The following DENND11 variants were observed in gnomAD, a reference collection of about 807,000 sequenced individuals.
DENND11 encodes the protein DENN domain containing 11.
Under a neutral mutation model 49.2 loss-of-function variants are expected in DENND11, and 34 were observed. The observed-to-expected ratio is 0.69, with a 90% confidence interval of 0.53 to 0.92. The LOEUF is 0.92. DENND11 is among the 40% of genes least tolerant of loss of function. The probability of loss-of-function intolerance (pLI) is 0.00; values close to 1 mark genes in which losing one functional copy is unlikely to be tolerated. For synonymous variants in DENND11, 238 were observed against 230.3 expected, an observed-to-expected ratio of 1.03 and a Z score of -0.30; for missense variants, 475 against 581.6, an observed-to-expected ratio of 0.82 and a Z score of 1.88.
intron 1 of DENND11, among the ~76,000 whole-genome samples, chr7:141,695,122 T>G (rs1798393255): frequency 6.6e-6 from 1 of 152,212 alleles, no homozygotes. Context: ...TGACAAAGTT[T>G]TTCTCATAAG....
At chr7:141,696,147 G>A (rs1798410001) in intron 1 of DENND11, among the ~76,000 whole-genome samples, 2 of 152,194 alleles carry the variant, frequency 1.3e-5, no homozygotes, top group Admixed American at 1.3e-4. Flanking sequence ...CCACTTCACA[G>A]CTCCAAAGGT....
At chr7:141,679,693 CAA>C (rs1458053511) in intron 3 of DENND11, among the ~76,000 whole-genome samples, 1 of 134,094 alleles carries the variant, frequency 7.5e-6, no homozygotes, top group African/African-American at 2.8e-5. Flanking sequence ...GCCTGGGACA[CAA>C]GAGCGAAACT....
chr7:141,678,346 A>G (rs576836621), intron 3 of DENND11, among the ~76,000 whole-genome samples: 1 of 152,376 alleles, frequency 6.6e-6, no homozygotes, highest in East Asian at 1.9e-4. Flanking sequence ...CTAGAATGGT[A>G]TAAAACGAAA....
rs116429918 is a variant in DENND11, at chr7:141,674,724, T to C, written c.528-504A>G. 8.2e-3 allele frequency among the ~76,000 whole-genome samples: 1,244 copies of C among 152,266 alleles called. 16 individuals are homozygous for C. Among genetic ancestry groups the C allele is most frequent in the African/African-American group, 0.027 (1,118 of 41,562 alleles). On this transcript the variant is annotated intron_variant, in intron 3 of 8. Coordinates refer to ENST00000536163, the MANE Select transcript of DENND11 (RefSeq NM_001080392.2). ...CTCAAATAAGGGAAAACAATTATTA[T>C]TGGATGTCATCAGGGCTCATAATTT... is the stretch of plus-strand genomic sequence containing the variant.
chr7:141,695,386 T>C (rs1798396911), intron 1 of DENND11, among the ~76,000 whole-genome samples: 1 of 150,560 alleles, frequency 6.6e-6, no homozygotes, highest in South Asian at 2.2e-4. Flanking sequence ...ATAAAGGACT[T>C]TGCAAAAGCC....
At chr7:141,671,838 C>G (rs924519390) in intron 4 of DENND11, among the ~76,000 whole-genome samples, 1 of 152,070 alleles carries the variant, frequency 6.6e-6, no homozygotes, top group Non-Finnish European at 1.5e-5. Flanking sequence ...TAATGGCCCT[C>G]TAACGATTTC....
rs553825079 is a variant in DENND11, at chr7:141,692,510, AG to A, written c.269-5853del. 9.1e-4 allele frequency among the ~76,000 whole-genome samples: 139 copies of A among 152,300 alleles called. 2 individuals carry two copies. The South Asian group carries it at 0.027, about 30-fold the overall frequency. ...CACATAATCTTTGCCAAAGGAACAA[AG>A]GCAATATAATGGAGAAAAGACAGTC... On this transcript the variant is annotated intron_variant, in intron 1 of 8. Coordinates refer to ENST00000536163, the MANE Select transcript of DENND11 (RefSeq NM_001080392.2).
intron 4 of DENND11, among the ~76,000 whole-genome samples, chr7:141,673,253 A>C (rs796611283): frequency 7.9e-5 from 12 of 152,322 alleles, no homozygotes; most frequent in African/African-American, 2.6e-4. Context: ...TAAAAAAAAA[A>C]AAACAAAAAA....
At chr7:141,698,956 G>A (rs995653320) in intron 1 of DENND11, among the ~76,000 whole-genome samples, 2 of 151,894 alleles carry the variant, frequency 1.3e-5, no homozygotes, top group Non-Finnish European at 1.5e-5. Flanking sequence ...GAGGGTTGAG[G>A]TGGGTGTGGG....
intron 3 of DENND11, among the ~76,000 whole-genome samples, chr7:141,677,400 A>ATAT (rs1273089565): frequency 1.3e-5 from 1 of 75,170 alleles, no homozygotes; most frequent in Admixed American, 1.8e-4. Flanking sequence ...CAAAAAAAAA[A>ATAT]AAATATATAT....
chr7:141,670,000 C>T (rs1418299145), intron 4 of DENND11, among the ~76,000 whole-genome samples: 14 of 150,886 alleles, frequency 9.3e-5, no homozygotes, highest in South Asian at 2.1e-4. Context: ...TTAGTAGAGA[C>T]GGGGTTTCAC....
intron 4 of DENND11, among the ~76,000 whole-genome samples, chr7:141,673,650 G>T (rs1798018405): frequency 2.6e-5 from 4 of 152,174 alleles, no homozygotes; most frequent in Non-Finnish European, 1.5e-5. Context: ...CTGTAAATAG[G>T]CATATTCTAG....
chr7:141,688,709 T>G (rs1352884031), intron 1 of DENND11, among the ~76,000 whole-genome samples: 1 of 152,138 alleles, frequency 6.6e-6, no homozygotes, highest in Non-Finnish European at 1.5e-5. Flanking sequence ...AGTCCAGTCG[T>G]TTTTTTCCTG....
At chr7:141,687,836 A>G (rs1049266587) in intron 1 of DENND11, among the ~76,000 whole-genome samples, 8 of 151,900 alleles carry the variant, frequency 5.3e-5, no homozygotes, top group East Asian at 3.9e-4. Flanking sequence ...GGGTTTCACC[A>G]TGTTAGCCAG....
intron 3 of DENND11, among the ~76,000 whole-genome samples, chr7:141,682,709 G>C (rs1007365241): frequency 2.0e-5 from 3 of 152,076 alleles, no homozygotes; most frequent in Non-Finnish European, 4.4e-5. Flanking sequence ...CTACCTCTAC[G>C]CTATGACATG....
rs1353485680 is a variant in DENND11 at position 141,662,826 on chromosome 7, T to C, written c.1198A>G (p.Ile400Val). The change falls in exon 9 of 9, where the codon ATA (isoleucine) becomes GTA (valine). Residue 400 changes from isoleucine to valine, a missense_variant. Coordinates refer to ENST00000536163, the MANE Select transcript of DENND11 (RefSeq NM_001080392.2). ...GACACCTCCAACAAAGTCTGAAATA[T>C]CCGGTTGTTTTGTTCTAGGAAAAAC... ...VLFFLEQNNR[I>V]FQTLLEVSAS... 5 of 1,572,100 alleles carry C rather than the reference T, an allele frequency of 3.2e-6. No homozygotes were observed. Among genetic ancestry groups the C allele is most frequent in the African/African-American group, 2.7e-5 (2 of 73,814 alleles).
At chr7:141,665,085 C>G in intron 6 of DENND11, 31 bp from the exon 7 acceptor site, 3 of 1,610,480 alleles carry the variant, frequency 1.9e-6, no homozygotes, top group Non-Finnish European at 2.5e-6. Flanking sequence ...GAGGTGGGAA[C>G]CCACCCGACC....
At chr7:141,693,154 A>C (rs1398104566) in intron 1 of DENND11, among the ~76,000 whole-genome samples, 1 of 152,262 alleles carries the variant, frequency 6.6e-6, no homozygotes, top group African/African-American at 2.4e-5. Flanking sequence ...AGAATTCATA[A>C]AACTCAACAA....
intron 4 of DENND11, among the ~76,000 whole-genome samples, chr7:141,671,028 A>G (rs1484615348): frequency 2.0e-5 from 3 of 152,194 alleles, no homozygotes; most frequent in Admixed American, 2.0e-4. Context: ...TGATCCTTCC[A>G]TGTCACCTTC....
Sources: allele counts gnomAD v4.1 joint callset (sites outside exome capture counted in the v4.1 genomes callset), GRCh38; gene constraint gnomAD v4.1.1; transcripts MANE v1.5; gene names NCBI Gene and HGNC (gene_info 2026-07-23, HGNC 2026-07-21).